Variants in ZNF862 observed in about 807,000 individuals in gnomAD.
The protein encoded by ZNF862 is zinc finger protein 862.
ZNF862 carries 64 observed loss-of-function variants against 91.1 expected under a neutral mutation model. That is an observed-to-expected ratio of 0.70 (90% CI 0.57 to 0.87). ZNF862 has a LOEUF of 0.87. ZNF862 is among the 40% of genes least tolerant of loss of function. The probability of loss-of-function intolerance (pLI) is 0.00; values close to 1 mark genes in which losing one functional copy is unlikely to be tolerated. For missense variants in ZNF862, 1,459 were observed against 1,528.0 expected, an observed-to-expected ratio of 0.95 and a Z score of 0.75; for synonymous variants, 631 against 618.1, an observed-to-expected ratio of 1.02 and a Z score of -0.31.
At position 149,867,377 on chromosome 7, in the gene ZNF862, GGATGTTC is replaced by G. The variant is rs1338439825; in HGVS notation, c.*3094_*3100del. The stretch of plus-strand genomic sequence containing the variant: ...AATACAGTAACTGTGACTGGCCCAG[GGATGTTC>G]TCTCCTCTATTTTCAAAGATGAAAG... On this transcript the variant is annotated 3_prime_UTR_variant, in exon 8 of 8. Transcript: ENST00000223210. 6.6e-6 allele frequency: 1 copy of G among 152,146 alleles called. No individual in the cohort carries two copies. Among genetic ancestry groups the G allele is most frequent in the African/African-American group, 2.4e-5 (1 of 41,404 alleles). 9.4% of individuals were successfully genotyped at this position (152,146 alleles called of 1,614,324 possible). A position where few individuals can be genotyped will look rare whatever the true frequency, so the allele number is the denominator to read the frequency against.
At chr7:149,846,783 C>T (rs961823339) in intron 3 of ZNF862, among the ~76,000 whole-genome samples, 1 of 152,200 alleles carries the variant, frequency 6.6e-6, no homozygotes, top group Admixed American at 6.5e-5. Flanking sequence ...GGAACAAGAT[C>T]CTGTATGAAT....
At chr7:149,858,845 GGCC>G (rs1317454456) in intron 5 of ZNF862, 1 of 123,566 alleles carries the variant, frequency 8.1e-6, no homozygotes, top group Non-Finnish European at 1.7e-5. Flanking sequence ...CCTTCACAAA[GGCC>G]AGCTGTGGGG....
intron 7 of ZNF862, among the ~76,000 whole-genome samples, chr7:149,863,038 G>A (rs115134262): frequency 0.012 from 1,767 of 152,284 alleles, 36 homozygotes; most frequent in African/African-American, 0.04. Context: ...GGTGAGATGC[G>A]GAGGAGATGG....
In ZNF862 at chr7:149,844,620, T is replaced by C. The variant is rs1427541896; in HGVS notation, c.25-5T>C. 6.3e-7 allele frequency: 1 copy of C among 1,585,682 alleles called. No homozygotes were observed. The highest frequency in any genetic ancestry group is 1.3e-5 in the African/African-American group (1 of 74,344). ...GGTACTTAGCAGCTGTCATTTTCCT[T>C]TCAGGCTCCTGTGACGTTTGATGAC... On this transcript the variant is annotated splice_polypyrimidine_tract_variant and splice_region_variant and intron_variant, in intron 1 of 7. Coordinates refer to ENST00000223210, the MANE Select transcript of ZNF862 (RefSeq NM_001099220.3).
chr7:149,859,370 C>T (rs1351402365), intron 5 of ZNF862, 52 bp from the exon 6 acceptor site: 11 of 1,466,240 alleles, frequency 7.5e-6, no homozygotes, highest in Non-Finnish European at 1.0e-5. Flanking sequence ...GAGGGGGCTA[C>T]TCGATTTGGC....
chr7:149,842,052 G>T (rs1022860400), intron 1 of ZNF862, among the ~76,000 whole-genome samples: 1 of 152,182 alleles, frequency 6.6e-6, no homozygotes, highest in African/African-American at 2.4e-5. Flanking sequence ...TGGACTCCAG[G>T]GGGGATATAA....
Position 149,862,268 on chromosome 7 carries a change from C to A in ZNF862, c.3108C>A (p.Thr1036=). ...MAVVVCVPIS[T]SCCERGFKAM... Reference sequence around the variant, plus strand: ...TGGTGGTCTGTGTGCCCATCTCCACCTCTTGCTGTGAGCGGGGGTTCAAGG... The same window carrying A: ...TGGTGGTCTGTGTGCCCATCTCCACATCTTGCTGTGAGCGGGGGTTCAAGG... Residue 1036 remains threonine (T), a synonymous_variant, in exon 7 of 8, where the codon ACC becomes ACA. Coordinates refer to ENST00000223210, the MANE Select transcript of ZNF862 (RefSeq NM_001099220.3). The A allele has an allele frequency of 6.2e-7, 1 of 1,613,848 alleles. No homozygotes were observed. The highest frequency in any genetic ancestry group is 8.5e-7 in the Non-Finnish European group (1 of 1,179,870).
rs929404721 is a variant in ZNF862, at chr7:149,850,486, C to A, written c.1117+148C>A. The A allele has an allele frequency of 1.8e-5, 14 of 771,616 alleles. No individual in the cohort carries two copies. The highest frequency in any genetic ancestry group is 2.6e-5 in the Non-Finnish European group (13 of 495,182). The allele number at this position is 771,616 out of a possible 1,614,324, so 47.8% of individuals were successfully genotyped here. A position where few individuals can be genotyped will look rare whatever the true frequency, so the allele number is the denominator to read the frequency against. On this transcript the variant is annotated intron_variant, in intron 5 of 7. Transcript: ENST00000223210. This position sits in a 1 kb window ranked among gnomAD's most constrained non-coding sequence, Gnocchi z 4.2. ...TCCTGTCTTTTGCACCTCATAACTC[C>A]CCTGCTTGGGGTAACTGTGCTTTAT...
In ZNF862 at chr7:149,861,561, C is replaced by A; in HGVS notation, c.2401C>A (p.Leu801Ile). The change falls in exon 7 of 8, where the codon CTC becomes ATC. Residue 801 changes from leucine to isoleucine, a missense_variant. By Grantham distance (5) the Leu-to-Ile change is conservative (BLOSUM62 2). Coordinates refer to ENST00000223210, the MANE Select transcript of ZNF862 (RefSeq NM_001099220.3). The surrounding 1 kb of genome is among the most constrained non-coding windows in gnomAD (Gnocchi z 6.7). Reference sequence around the variant, plus strand: ...CAGGAGGCGCACGCTGCACGCGCTGCTCGTGAGCTGGCCCGCCCTGGCCAG... The same window carrying A: ...CAGGAGGCGCACGCTGCACGCGCTGATCGTGAGCTGGCCCGCCCTGGCCAG... ...ASRRRTLHAL[L>I]VSWPALARHL... is the part of the protein sequence containing the mutation. 1 of 1,597,134 alleles carries A rather than the reference C, an allele frequency of 6.3e-7. No homozygotes were observed. The highest frequency in any genetic ancestry group is 2.3e-5 in the East Asian group (1 of 44,204).
At position 149,866,148 on chromosome 7, in the gene ZNF862, T is replaced by C. The variant is rs533711943; in HGVS notation, c.*1864T>C. The C allele has an allele frequency of 1.3e-5, 2 of 152,346 alleles. No individual in the cohort carries two copies. Among genetic ancestry groups the C allele is most frequent in the South Asian group, 4.2e-4 (2 of 4,800 alleles). 9.4% of individuals were successfully genotyped at this position (152,346 alleles called of 1,614,324 possible). On this transcript the variant is annotated 3_prime_UTR_variant, in exon 8 of 8. Transcript: ENST00000223210. ...TGTCATTTTCAGTTCTAGTCAGGAATTCCTTTCTTGCTTTCTGCCTTTGAC... is the reference window on the plus strand; with the variant it reads ...TGTCATTTTCAGTTCTAGTCAGGAACTCCTTTCTTGCTTTCTGCCTTTGAC...
At chr7:149,854,641 G>A (rs923218634) in intron 5 of ZNF862, among the ~76,000 whole-genome samples, 1 of 152,160 alleles carries the variant, frequency 6.6e-6, no homozygotes, top group Non-Finnish European at 1.5e-5. Flanking sequence ...CCAAGGGGCC[G>A]GCCAGGCAGG....
rs1171291709 is a variant in ZNF862 at position 149,865,908 on chromosome 7, G to A, written c.*1624G>A. ...TCCTATTCCCAGGGTAGAAGCTGCT[G>A]TCTGAGTACCCTTCCCATTCCCAGG... On this transcript the variant is annotated 3_prime_UTR_variant, in exon 8 of 8. Transcript: ENST00000223210. The A allele has an allele frequency of 4.6e-5, 5 of 108,958 alleles. No individual in the cohort carries two copies. Among genetic ancestry groups the A allele is most frequent in the African/African-American group, 1.6e-4 (5 of 30,784 alleles). The allele number at this position is 108,958 out of a possible 1,614,324, so 6.7% of individuals were successfully genotyped here.
chr7:149,853,412 T>C (rs555361157), intron 5 of ZNF862, among the ~76,000 whole-genome samples: 2 of 152,324 alleles, frequency 1.3e-5, no homozygotes, highest in Admixed American at 1.3e-4. Flanking sequence ...TACTAAGTCA[T>C]AGAAAACGCT....
Position 149,859,510 on chromosome 7 carries a change from G to T in ZNF862, c.1206G>T (p.Gly402=). The T allele has an allele frequency of 6.3e-7, 1 of 1,578,092 alleles. No homozygotes were observed. The highest frequency in any genetic ancestry group is 8.6e-7 in the Non-Finnish European group (1 of 1,161,250). The change falls in exon 6 of 8, where the codon GGG becomes GGT. Residue 402 remains glycine, a synonymous_variant. Transcript: ENST00000223210. ...AGGACCCAAATGGGCCAAAGTGGGGGAAAGGTCGTCCTCCAGGTGAGTGTA... is the reference window on the plus strand; with the variant it reads ...AGGACCCAAATGGGCCAAAGTGGGGTAAAGGTCGTCCTCCAGGTGAGTGTA... ...WIKDPNGPKW[G]KGRPPGNKKM... is the part of the protein sequence containing the mutation.
chr7:149,840,135 G>C (rs1278956507), intron 1 of ZNF862, among the ~76,000 whole-genome samples: 3 of 138,442 alleles, frequency 2.2e-5, no homozygotes, highest in African/African-American at 5.5e-5. Flanking sequence ...CCCTGTGTAG[G>C]CTTAGGCTAA....
rs117773374 is a variant in ZNF862 at position 149,849,872 on chromosome 7, G to A, written c.940-289G>A. On this transcript the variant is annotated intron_variant, in intron 4 of 7. Coordinates refer to ENST00000223210, the MANE Select transcript of ZNF862 (RefSeq NM_001099220.3). Reference sequence around the variant, plus strand: ...CAGGAGGCAGCTCTCAGGACTCTGAGGACAGCATGCAGTGAGAGGCTCTGC... The same window carrying A: ...CAGGAGGCAGCTCTCAGGACTCTGAAGACAGCATGCAGTGAGAGGCTCTGC... 2.1e-3 allele frequency among the ~76,000 whole-genome samples: 314 copies of A among 152,332 alleles called. 1 individual carries two copies. The highest frequency in any genetic ancestry group is 6.8e-3 in the Middle Eastern group (2 of 294).
At chr7:149,853,633 C>T (rs1802148393) in intron 5 of ZNF862, among the ~76,000 whole-genome samples, 1 of 152,054 alleles carries the variant, frequency 6.6e-6, no homozygotes, top group Non-Finnish European at 1.5e-5. Context: ...TGTTTGTTTT[C>T]AATTATTCTT....
chr7:149,844,849 C>T (rs998003690), intron 2 of ZNF862, 113 bp downstream of exon 2: 3 of 699,442 alleles, frequency 4.3e-6, no homozygotes, highest in East Asian at 2.7e-5. Context: ...TTTGTCTAGG[C>T]ATCTTTACTC....
intron 3 of ZNF862, 101 bp from the exon 4 acceptor site, chr7:149,847,634 C>T (rs1344415470): frequency 3.2e-6 from 2 of 616,440 alleles, no homozygotes; most frequent in East Asian, 5.9e-5. Flanking sequence ...TGTGTGTGTG[C>T]TTTCCGTCTT....
Sources: gnomAD v4.1 joint callset for allele counts (sites outside exome capture counted in the v4.1 genomes callset) on GRCh38, gnomAD v4.1.1 for gene constraint, Gnocchi (gnomAD v3.1) non-coding constraint, MANE v1.5 for transcripts, NCBI Gene and HGNC (gene_info 2026-07-23, HGNC 2026-07-21) for gene names.